The following DRC11 variants were observed in gnomAD, a reference collection of about 807,000 sequenced individuals.
The protein encoded by DRC11 is IQ and AAA domain-containing protein 1.
At chr2:236,317,033 C>T in the DRC11 span, among the ~76,000 whole-genome samples, 4 of 152,176 alleles carry the variant, frequency 2.6e-5, no homozygotes, top group East Asian at 1.9e-4. The surrounding 1 kb of genome is among the most constrained non-coding windows in gnomAD (Gnocchi z 5.4). Context: ...AGGTGGCTCA[C>T]GCCTGTAATC....
chr2:236,353,055 T>C, the DRC11 span, among the ~76,000 whole-genome samples: 2 of 152,216 alleles, frequency 1.3e-5, no homozygotes, highest in Non-Finnish European at 2.9e-5. The surrounding 1 kb of genome is among the most constrained non-coding windows in gnomAD (Gnocchi z 5.0). Flanking sequence ...GTATTAATAG[T>C]AAAAAACTCT....
the DRC11 span, among the ~76,000 whole-genome samples, chr2:236,448,056 T>G: frequency 6.6e-6 from 1 of 152,244 alleles, no homozygotes; most frequent in Non-Finnish European, 1.5e-5. The surrounding 1 kb of genome is among the most constrained non-coding windows in gnomAD (Gnocchi z 5.3). Context: ...AAGCAGCATA[T>G]TTAACACAAT....
chr2:236,481,247 T>C, the DRC11 span, among the ~76,000 whole-genome samples: 12 of 152,256 alleles, frequency 7.9e-5, no homozygotes, highest in African/African-American at 2.9e-4. Context: ...ATACTCATGA[T>C]GCTTCCTGTA....
the DRC11 span, among the ~76,000 whole-genome samples, chr2:236,491,833 T>C: frequency 1.3e-5 from 2 of 152,112 alleles, no homozygotes; most frequent in African/African-American, 2.4e-5. Flanking sequence ...GGAGAGGTCA[T>C]CTTGAGTTAA....
At chr2:236,394,605 G>A in the DRC11 span, among the ~76,000 whole-genome samples, 1 of 151,324 alleles carries the variant, frequency 6.6e-6, no homozygotes, top group East Asian at 1.9e-4. The surrounding 1 kb of genome is among the most constrained non-coding windows in gnomAD (Gnocchi z 7.0). Context: ...GCGACAGAGC[G>A]AGACTGTCTC....
chr2:236,357,671 AATAT>A, the DRC11 span, among the ~76,000 whole-genome samples: 3 of 124,912 alleles, frequency 2.4e-5, no homozygotes, highest in South Asian at 2.4e-4. Context: ...ATAATACATA[AATAT>A]ATATTTACAA....
At chr2:236,379,232 C>T in the DRC11 span, among the ~76,000 whole-genome samples, 3 of 152,090 alleles carry the variant, frequency 2.0e-5, no homozygotes, top group African/African-American at 4.8e-5. Context: ...AACAGGGTAG[C>T]GACAGGACTA....
chr2:236,370,428 G>C, the DRC11 span, among the ~76,000 whole-genome samples: 1 of 152,186 alleles, frequency 6.6e-6, no homozygotes, highest in African/African-American at 2.4e-5. This position sits in a 1 kb window ranked among gnomAD's most constrained non-coding sequence, Gnocchi z 5.5. Context: ...AAAGACGAGA[G>C]GAAGGAGAGA....
At chr2:236,314,562 C>T in the DRC11 span, among the ~76,000 whole-genome samples, 3 of 152,140 alleles carry the variant, frequency 2.0e-5, no homozygotes, top group Non-Finnish European at 4.4e-5. This position sits in a 1 kb window ranked among gnomAD's most constrained non-coding sequence, Gnocchi z 4.5. Flanking sequence ...CGTTTAAAAA[C>T]ACCACAGAAT....
the DRC11 span, among the ~76,000 whole-genome samples, chr2:236,432,780 T>C: frequency 1.4e-4 from 21 of 152,220 alleles, no homozygotes; most frequent in South Asian, 2.9e-3. Context: ...GTTGAATTTA[T>C]CAATTTTTTT....
the DRC11 span, chr2:236,380,470 A>T: frequency 1.1e-6 from 1 of 892,372 alleles, no homozygotes; most frequent in Non-Finnish European, 1.8e-6. The surrounding 1 kb of genome is among the most constrained non-coding windows in gnomAD (Gnocchi z 4.9). Flanking sequence ...GTGGAGGATG[A>T]AGAGGGCGTG....
At chr2:236,378,279 G>A in the DRC11 span, among the ~76,000 whole-genome samples, 1 of 152,168 alleles carries the variant, frequency 6.6e-6, no homozygotes, top group African/African-American at 2.4e-5. Flanking sequence ...AGTATCAACT[G>A]TAGTGTTTTA....
the DRC11 span, among the ~76,000 whole-genome samples, chr2:236,462,672 AAAAC>A: frequency 1.6e-4 from 24 of 152,208 alleles, no homozygotes; most frequent in African/African-American, 4.3e-4. The surrounding 1 kb of genome is among the most constrained non-coding windows in gnomAD (Gnocchi z 6.4). Flanking sequence ...CCCTGCCTCA[AAAAC>A]AAACAAACAA....
the DRC11 span, among the ~76,000 whole-genome samples, chr2:236,473,566 C>T: frequency 5.9e-5 from 9 of 152,100 alleles, no homozygotes; most frequent in Non-Finnish European, 8.8e-5. The surrounding 1 kb of genome is among the most constrained non-coding windows in gnomAD (Gnocchi z 4.8). Context: ...ACACTGATAG[C>T]TTCAGGGTAA....
At chr2:236,457,460 G>C in the DRC11 span, among the ~76,000 whole-genome samples, 2 of 152,200 alleles carry the variant, frequency 1.3e-5, no homozygotes, top group Admixed American at 1.3e-4. This position sits in a 1 kb window ranked among gnomAD's most constrained non-coding sequence, Gnocchi z 4.7. Flanking sequence ...ATTCATGAAT[G>C]AAAGCGATTA....
At chr2:236,493,878 C>A in the DRC11 span, 1 of 1,599,534 alleles carries the variant, frequency 6.3e-7, no homozygotes, top group Non-Finnish European at 8.5e-7. Context: ...ATGGGAATAT[C>A]TAATTGTTGC....
the DRC11 span, among the ~76,000 whole-genome samples, chr2:236,307,226 A>T: frequency 6.6e-6 from 1 of 152,098 alleles, no homozygotes; most frequent in East Asian, 1.9e-4. The surrounding 1 kb of genome is among the most constrained non-coding windows in gnomAD (Gnocchi z 7.0). Context: ...AATGCTCAGG[A>T]CTTGCCTCTT....
At chr2:236,481,866 T>G in the DRC11 span, among the ~76,000 whole-genome samples, 156 of 149,594 alleles carry the variant, frequency 1.0e-3, no homozygotes, top group Middle Eastern at 3.6e-3. Flanking sequence ...ACTATATGTA[T>G]AATTCTATGT....
chr2:236,345,677 G>A, the DRC11 span, among the ~76,000 whole-genome samples: 1 of 152,158 alleles, frequency 6.6e-6, no homozygotes, highest in Admixed American at 6.5e-5. Context: ...CTTACCCTGG[G>A]CCCATGAATA....
Sources: allele counts gnomAD v4.1 joint callset (sites outside exome capture counted in the v4.1 genomes callset), GRCh38; gene constraint gnomAD v4.1.1; non-coding constraint Gnocchi (gnomAD v3.1); transcripts MANE v1.5; gene names NCBI Gene and HGNC (gene_info 2026-07-23, HGNC 2026-07-21).